PAPPA2: variants seen among roughly 807,000 people sequenced by gnomAD.
The protein encoded by PAPPA2 is pappalysin-2.
A neutral mutation model predicts 176.4 loss-of-function variants in PAPPA2; 86 were observed. The ratio of observed to expected loss-of-function variants is 0.49; its 90% CI spans 0.41 to 0.58. PAPPA2 has a LOEUF of 0.58. Among genes scored for constraint, PAPPA2 ranks in the 20% least tolerant of loss-of-function variants. The pLI is 0.00. For missense variants in PAPPA2, 2,073 were observed against 2,256.9 expected, an observed-to-expected ratio of 0.92 and a Z score of 1.65; for synonymous variants, 809 against 852.2, an observed-to-expected ratio of 0.95 and a Z score of 0.88.
At chr1:176,623,673 CTTTCTTTCTT>C (rs1558479372) in intron 3 of PAPPA2, among the ~76,000 whole-genome samples, 5 of 113,358 alleles carry the variant, frequency 4.4e-5, no homozygotes, top group Non-Finnish European at 7.3e-5. Context: ...CTTTCTTTTT[CTTTCTTTCTT>C]TCTCTCTCTC....
rs767933841 is a variant in PAPPA2 at position 176,702,772 on chromosome 1, T to C, written c.3365+37T>C. ...GTGTGTGTGTGTGTGTGTGTGTGTGTGTGTGAGAGAGAGAGAGAGAGAGAG... is the reference window on the plus strand; with the variant it reads ...GTGTGTGTGTGTGTGTGTGTGTGTGCGTGTGAGAGAGAGAGAGAGAGAGAG... On this transcript the variant is annotated intron_variant, in intron 9 of 22. Coordinates refer to ENST00000367662, the MANE Select transcript of PAPPA2 (RefSeq NM_020318.3). The C allele has an allele frequency of 6.4e-6, 10 of 1,553,770 alleles. No homozygotes were observed. In the East Asian group the frequency reaches 2.1e-4, roughly 32 times the overall value.
At chr1:176,497,589 T>C (rs1213464512) in intron 1 of PAPPA2, among the ~76,000 whole-genome samples, 1 of 152,140 alleles carries the variant, frequency 6.6e-6, no homozygotes, top group Non-Finnish European at 1.5e-5. Context: ...TTGAAGAAAT[T>C]GAGAGTTTTC....
intron 4 of PAPPA2, among the ~76,000 whole-genome samples, chr1:176,683,315 A>G (rs978495190): frequency 3.9e-5 from 6 of 152,106 alleles, no homozygotes; most frequent in African/African-American, 1.4e-4. Context: ...CTAAGAAGGC[A>G]TGTGTTCTCC....
At chr1:176,663,724 T>C (rs753811661) in intron 3 of PAPPA2, among the ~76,000 whole-genome samples, 4 of 152,128 alleles carry the variant, frequency 2.6e-5, no homozygotes, top group African/African-American at 9.6e-5. Context: ...CACATAGCCA[T>C]TGAGTGGAGG....
At chr1:176,594,106 G>A (rs1440334516) in intron 2 of PAPPA2, among the ~76,000 whole-genome samples, 1 of 152,154 alleles carries the variant, frequency 6.6e-6, no homozygotes, top group Non-Finnish European at 1.5e-5. Flanking sequence ...GCTGTCATTT[G>A]CAAAAAGTAT....
At chr1:176,754,245 A>G (rs1663315909) in intron 14 of PAPPA2, among the ~76,000 whole-genome samples, 1 of 152,182 alleles carries the variant, frequency 6.6e-6, no homozygotes, top group South Asian at 2.1e-4. Context: ...CAGCTTAGGA[A>G]GACTTAGGGT....
chr1:176,698,139 G>A (rs1660471207), intron 7 of PAPPA2, among the ~76,000 whole-genome samples: 1 of 151,942 alleles, frequency 6.6e-6, no homozygotes, highest in African/African-American at 2.4e-5. Context: ...GTTTTCTCTG[G>A]GCTTTGGGAC....
chr1:176,812,733 T>C (rs1251373516), intron 21 of PAPPA2, among the ~76,000 whole-genome samples: 1 of 152,198 alleles, frequency 6.6e-6, no homozygotes, highest in African/African-American at 2.4e-5. Context: ...TTACAAGGAC[T>C]GAGTGCTAGC....
chr1:176,540,210 C>T (rs778068664), intron 1 of PAPPA2, among the ~76,000 whole-genome samples: 12 of 152,146 alleles, frequency 7.9e-5, no homozygotes, highest in South Asian at 2.1e-4. Flanking sequence ...GGTAGAAAGA[C>T]GTAACTGTAG....
intron 9 of PAPPA2, among the ~76,000 whole-genome samples, chr1:176,703,876 T>C (rs1175820781): frequency 6.6e-6 from 1 of 152,214 alleles, no homozygotes; most frequent in African/African-American, 2.4e-5. Context: ...CAAATCAGAT[T>C]TCTCCCTTGG....
chr1:176,565,553 G>A (rs957689740), intron 2 of PAPPA2, among the ~76,000 whole-genome samples: 2 of 152,106 alleles, frequency 1.3e-5, no homozygotes, highest in Admixed American at 1.3e-4. Flanking sequence ...AAATTAGCCG[G>A]GTGTAGTGGC....
intron 14 of PAPPA2, among the ~76,000 whole-genome samples, chr1:176,741,430 T>C (rs1346500116): frequency 2.6e-5 from 4 of 152,172 alleles, no homozygotes; most frequent in African/African-American, 9.7e-5. Flanking sequence ...CTTTGTGACA[T>C]GGCAGCCAGT....
chr1:176,517,884 A>G (rs1024224012), intron 1 of PAPPA2, among the ~76,000 whole-genome samples: 3 of 146,026 alleles, frequency 2.1e-5, no homozygotes, highest in African/African-American at 7.7e-5. Context: ...AAAGAAAGGA[A>G]ATTTTTGAAA....
At chr1:176,734,827 T>G (rs1662323553) in intron 12 of PAPPA2, among the ~76,000 whole-genome samples, 1 of 152,198 alleles carries the variant, frequency 6.6e-6, no homozygotes, top group Admixed American at 6.5e-5. Flanking sequence ...CTGATTTCTC[T>G]CAACCTCTAA....
chr1:176,703,728 A>T (rs1475206672), intron 9 of PAPPA2, among the ~76,000 whole-genome samples: 2 of 152,184 alleles, frequency 1.3e-5, no homozygotes, highest in Non-Finnish European at 2.9e-5. Context: ...TAGTAAGTCT[A>T]TTCCTTGTCA....
chr1:176,827,514 T>C (rs2102980441), intron 21 of PAPPA2, among the ~76,000 whole-genome samples: 1 of 152,316 alleles, frequency 6.6e-6, no homozygotes, highest in Middle Eastern at 3.4e-3. Context: ...TTTAATCCCA[T>C]GTACCCCATA....
intron 3 of PAPPA2, among the ~76,000 whole-genome samples, chr1:176,658,558 T>A (rs116326346): frequency 0.023 from 3,438 of 152,024 alleles, 88 homozygotes; most frequent in African/African-American, 0.062. Flanking sequence ...TAGGCTGGGG[T>A]GATCAGTGAA....
intron 2 of PAPPA2, among the ~76,000 whole-genome samples, chr1:176,562,385 A>T (rs1249544107): frequency 6.6e-6 from 1 of 152,216 alleles, no homozygotes; most frequent in East Asian, 1.9e-4. Flanking sequence ...TGTAAAAGGC[A>T]GGCCACGTGT....
chr1:176,776,698 T>C (rs1222074806), intron 17 of PAPPA2, among the ~76,000 whole-genome samples: 1 of 152,084 alleles, frequency 6.6e-6, no homozygotes, highest in Non-Finnish European at 1.5e-5. Flanking sequence ...CTCTGTTCTG[T>C]TGGGTATTGA....
Sources: allele counts gnomAD v4.1 joint callset (sites outside exome capture counted in the v4.1 genomes callset), GRCh38; gene constraint gnomAD v4.1.1; transcripts MANE v1.5; gene names NCBI Gene and HGNC (gene_info 2026-07-23, HGNC 2026-07-21).